UST: variants seen among roughly 807,000 people sequenced by gnomAD.
UST encodes uronyl 2-sulfotransferase.
Under a neutral mutation model 45.6 loss-of-function variants are expected in UST, and 21 were observed. That is an observed-to-expected ratio of 0.46 (90% CI 0.33 to 0.66). The LOEUF (loss-of-function observed/expected upper bound fraction) is 0.66. Ranked by LOEUF, UST falls within the 30% of genes least tolerant of loss-of-function variation. The pLI is 0.02. For missense variants in UST, 463 were observed against 512.4 expected, an observed-to-expected ratio of 0.90 and a Z score of 0.93; for synonymous variants, 215 against 200.6, an observed-to-expected ratio of 1.07 and a Z score of -0.61.
intron 1 of UST, among the ~76,000 whole-genome samples, chr6:148,774,339 T>G (rs1476656216): frequency 6.6e-6 from 1 of 150,924 alleles, no homozygotes; most frequent in Non-Finnish European, 1.5e-5. Flanking sequence ...TGAAATTTAC[T>G]TATAGACAAG....
chr6:148,868,219 T>C (rs1440173347), intron 1 of UST, among the ~76,000 whole-genome samples: 2 of 152,250 alleles, frequency 1.3e-5, no homozygotes, highest in African/African-American at 4.8e-5. Flanking sequence ...TTTTCTGCTG[T>C]TGGGGAAAAA....
chr6:148,757,981 T>C lies in UST; in HGVS notation c.247+10304T>C, dbSNP rs1776128421. Among the ~76,000 whole-genome samples the C allele has an allele frequency of 4.6e-5, 7 of 152,240 alleles. No homozygotes were observed. In the South Asian group the frequency reaches 8.3e-4, roughly 18 times the overall value. On this transcript the variant is annotated intron_variant, in intron 1 of 7. Transcript: ENST00000367463. ...TTGATGTATACAATAGGATTAATAA[T>C]TGCTGTTTTACAGGATACTTCTCTA...
chr6:149,050,747 G>A (rs1332298185), intron 7 of UST, among the ~76,000 whole-genome samples: 1 of 152,160 alleles, frequency 6.6e-6, no homozygotes, highest in Non-Finnish European at 1.5e-5. Flanking sequence ...AATATAAATT[G>A]ATTCTGAGTT....
chr6:148,966,081 G>A (rs1362184637), intron 5 of UST, among the ~76,000 whole-genome samples: 5 of 151,698 alleles, frequency 3.3e-5, no homozygotes, highest in South Asian at 2.1e-4. Flanking sequence ...AAAATTAGCC[G>A]AGCATGGTGG....
intron 7 of UST, among the ~76,000 whole-genome samples, chr6:149,062,395 A>G (rs1315292545): frequency 6.6e-6 from 1 of 152,256 alleles, no homozygotes; most frequent in Non-Finnish European, 1.5e-5. Context: ...AGTCTTGCAG[A>G]TGGATTTAAA....
intron 3 of UST, among the ~76,000 whole-genome samples, chr6:148,945,756 A>G (rs1220768572): frequency 6.6e-6 from 1 of 152,204 alleles, no homozygotes; most frequent in African/African-American, 2.4e-5. Context: ...TGCAGTCTTC[A>G]TTGTTCAGGG....
At chr6:149,009,992 A>T (rs1455053930) in intron 5 of UST, among the ~76,000 whole-genome samples, 3 of 151,460 alleles carry the variant, frequency 2.0e-5, no homozygotes, top group Non-Finnish European at 4.4e-5. Context: ...TTTTCTTCCC[A>T]TCTATCTTTA....
intron 6 of UST, among the ~76,000 whole-genome samples, chr6:149,020,285 C>T (rs901173005): frequency 2.0e-5 from 3 of 152,120 alleles, no homozygotes; most frequent in African/African-American, 7.2e-5. Context: ...CCATAAGCCC[C>T]CTGAGTCCAG....
intron 1 of UST, among the ~76,000 whole-genome samples, chr6:148,847,039 A>G (rs927611431): frequency 2.0e-5 from 3 of 152,264 alleles, no homozygotes; most frequent in Non-Finnish European, 2.9e-5. Context: ...TGACATGAAC[A>G]GTTCACTTGG....
chr6:149,025,120 G>C (rs1216491613), intron 7 of UST, among the ~76,000 whole-genome samples: 3 of 152,276 alleles, frequency 2.0e-5, no homozygotes, highest in Admixed American at 1.3e-4. Context: ...ACTTATTTCA[G>C]ATTGAAATGA....
intron 5 of UST, among the ~76,000 whole-genome samples, chr6:148,993,424 T>C (rs1781391646): frequency 6.6e-6 from 1 of 151,758 alleles, no homozygotes; most frequent in African/African-American, 2.4e-5. Context: ...TTCTCTGTTT[T>C]TTAAACCAAA....
chr6:148,777,847 C>A (rs190564175), intron 1 of UST, among the ~76,000 whole-genome samples: 32 of 152,356 alleles, frequency 2.1e-4, no homozygotes, highest in South Asian at 6.2e-4. Flanking sequence ...AGCCACCACA[C>A]CTGGCCTAGG....
chr6:148,851,839 C>T (rs1331246542), intron 1 of UST, among the ~76,000 whole-genome samples: 4 of 152,298 alleles, frequency 2.6e-5, no homozygotes, highest in East Asian at 1.9e-4. Context: ...CTCACTGCTC[C>T]GACAACTTAG....
chr6:148,845,258 C>A (rs547474729), intron 1 of UST, among the ~76,000 whole-genome samples: 1 of 152,186 alleles, frequency 6.6e-6, no homozygotes, highest in African/African-American at 2.4e-5. Context: ...ACATTCCCAC[C>A]AACAGTGTAT....
intron 2 of UST, among the ~76,000 whole-genome samples, chr6:148,929,265 C>T (rs767467716): frequency 6.6e-6 from 1 of 152,248 alleles, no homozygotes; most frequent in East Asian, 1.9e-4. Context: ...TCCACCCTAG[C>T]TCATGAGTGA....
intron 1 of UST, among the ~76,000 whole-genome samples, chr6:148,771,303 T>C (rs922008748): frequency 5.3e-5 from 8 of 152,236 alleles, no homozygotes; most frequent in Non-Finnish European, 1.0e-4. Flanking sequence ...TTGAAGATTA[T>C]AGAAGTGGCT....
At chr6:148,976,358 T>G (rs1255900011) in intron 5 of UST, among the ~76,000 whole-genome samples, 1 of 152,194 alleles carries the variant, frequency 6.6e-6, no homozygotes, top group Admixed American at 6.5e-5. Flanking sequence ...GAACATGACA[T>G]CACTGAATAC....
chr6:149,070,401 A>T (rs1776801924), intron 7 of UST, among the ~76,000 whole-genome samples: 1 of 152,196 alleles, frequency 6.6e-6, no homozygotes, highest in South Asian at 2.1e-4. Context: ...CCCATTTCAG[A>T]AGAGTCTATG....
chr6:149,037,595 C>A (rs1184313632), intron 7 of UST, among the ~76,000 whole-genome samples: 1 of 152,212 alleles, frequency 6.6e-6, no homozygotes, highest in Non-Finnish European at 1.5e-5. Flanking sequence ...AGTGGGGCCC[C>A]TGTGCCTGCG....
Sources: gnomAD v4.1 joint callset for allele counts (sites outside exome capture counted in the v4.1 genomes callset) on GRCh38, gnomAD v4.1.1 for gene constraint, MANE v1.5 for transcripts, NCBI Gene and HGNC (gene_info 2026-07-23, HGNC 2026-07-21) for gene names.